Variants in TFEC observed in about 807,000 individuals in gnomAD.
TFEC encodes transcription factor EC.
In TFEC, 31 loss-of-function variants were observed where a neutral mutation model predicts 41.6. The ratio of observed to expected loss-of-function variants is 0.74; its 90% CI spans 0.56 to 1.01. The LOEUF (loss-of-function observed/expected upper bound fraction) is 1.01. TFEC is among the 50% of genes least tolerant of loss of function. The pLI is 0.00. For missense variants in TFEC, 402 were observed against 404.1 expected (o/e 0.99, Z 0.04); for synonymous variants, 143 against 140.6 (o/e 1.02, Z -0.12).
chr7:115,995,891 G>GC (rs1367408132), intron 1 of TFEC, among the ~76,000 whole-genome samples: 1 of 152,192 alleles, frequency 6.6e-6, no homozygotes, highest in East Asian at 1.9e-4. Flanking sequence ...ATTTAGACCA[G>GC]CCCTACCCGG....
intron 1 of TFEC, among the ~76,000 whole-genome samples, chr7:116,146,280 T>G (rs1435855252): frequency 2.0e-5 from 3 of 152,108 alleles, no homozygotes; most frequent in Non-Finnish European, 4.4e-5. Flanking sequence ...AAGTTTCCAC[T>G]TGAGGGATGA....
At chr7:116,094,415 TCACGCCTGTAATCC>T (rs1418594319) in intron 3 of TFEC, among the ~76,000 whole-genome samples, 1 of 151,656 alleles carries the variant, frequency 6.6e-6, no homozygotes, top group Non-Finnish European at 1.5e-5. Flanking sequence ...GCGTGGTGGC[TCACGCCTGTAATCC>T]CAGCACTTTG....
chr7:116,024,911 TG>T (rs1795531548), intron 1 of TFEC, among the ~76,000 whole-genome samples: 1 of 152,170 alleles, frequency 6.6e-6, no homozygotes, highest in African/African-American at 2.4e-5. Flanking sequence ...CTTTTGTTGT[TG>T]TTGTTGTTGC....
intron 3 of TFEC, among the ~76,000 whole-genome samples, chr7:115,967,959 T>C (rs1176899787): frequency 1.3e-5 from 2 of 151,798 alleles, no homozygotes; most frequent in Non-Finnish European, 2.9e-5. Flanking sequence ...AGTTTGAATA[T>C]TTTTTACTAA....
chr7:116,098,990 A>C (rs1347882539), intron 3 of TFEC, among the ~76,000 whole-genome samples: 2 of 152,312 alleles, frequency 1.3e-5, no homozygotes, highest in African/African-American at 4.8e-5. Context: ...AAATACTGGC[A>C]AATTGAATCT....
chr7:115,993,393 A>T (rs1029602946), intron 1 of TFEC, among the ~76,000 whole-genome samples: 2 of 152,184 alleles, frequency 1.3e-5, no homozygotes, highest in African/African-American at 4.8e-5. Context: ...AGGGTATTCA[A>T]TTAGGAAAAG....
chr7:115,952,137 C>G (rs1364706044), intron 5 of TFEC, among the ~76,000 whole-genome samples: 4 of 152,012 alleles, frequency 2.6e-5, no homozygotes, highest in Non-Finnish European at 5.9e-5. Context: ...CTCTACAAAG[C>G]AAATTACATG....
chr7:116,133,867 A>T (rs1798383084), intron 1 of TFEC, among the ~76,000 whole-genome samples: 1 of 152,304 alleles, frequency 6.6e-6, no homozygotes, highest in Admixed American at 6.5e-5. Context: ...GTAGAATACT[A>T]TTGAATTAGT....
chr7:116,019,419 C>G (rs995104409), intron 1 of TFEC, among the ~76,000 whole-genome samples: 1 of 152,162 alleles, frequency 6.6e-6, no homozygotes, highest in Non-Finnish European at 1.5e-5. Context: ...CAGCATCCAA[C>G]ATGGTTTTAG....
chr7:116,091,127 A>C (rs115487699), intron 3 of TFEC, among the ~76,000 whole-genome samples: 2,904 of 152,250 alleles, frequency 0.019, 92 homozygotes, highest in African/African-American at 0.065. Flanking sequence ...AAAAGGAAAA[A>C]AAAATTATGC....
chr7:116,118,389 T>C (rs1175337795), intron 1 of TFEC, among the ~76,000 whole-genome samples: 1 of 151,924 alleles, frequency 6.6e-6, no homozygotes, highest in Non-Finnish European at 1.5e-5. Flanking sequence ...TATTAAGCTC[T>C]TCAATAAAAC....
At chr7:116,084,221 T>C (rs1372391460) in intron 3 of TFEC, among the ~76,000 whole-genome samples, 1 of 151,914 alleles carries the variant, frequency 6.6e-6, no homozygotes, top group Non-Finnish European at 1.5e-5. Context: ...TTCCAGCATC[T>C]TTTCAAGCTT....
intron 3 of TFEC, among the ~76,000 whole-genome samples, chr7:116,071,463 A>G (rs1008294169): frequency 6.6e-6 from 1 of 151,384 alleles, no homozygotes; most frequent in Admixed American, 6.6e-5. Flanking sequence ...CAGTATTATC[A>G]AAGGTATTTT....
At chr7:116,115,083 G>C (rs1243211988) in intron 1 of TFEC, among the ~76,000 whole-genome samples, 2 of 151,998 alleles carry the variant, frequency 1.3e-5, no homozygotes, top group Admixed American at 6.6e-5. Flanking sequence ...AAAGCTGTTA[G>C]AGGTATCACA....
At chr7:116,008,854 G>T (rs948451173) in intron 1 of TFEC, among the ~76,000 whole-genome samples, 1 of 152,060 alleles carries the variant, frequency 6.6e-6, no homozygotes, top group African/African-American at 2.4e-5. Context: ...TTTCAGCTGC[G>T]TATTATATAA....
rs1181644886 is a variant in TFEC at position 116,121,364 on chromosome 7, T to C, written c.-68-9326A>G. 6 of 152,070 alleles carry C rather than the reference T, an allele frequency of 3.9e-5. No individual in the cohort carries two copies. The South Asian group carries it at 8.3e-4, about 21-fold the overall frequency. 9.4% of individuals were successfully genotyped at this position (152,070 alleles called of 1,614,324 possible). A position where few individuals can be genotyped will look rare whatever the true frequency, so the allele number is the denominator to read the frequency against. On this transcript the variant is annotated intron_variant, in intron 1 of 8. Transcript: ENST00000484212. Reference sequence around the variant, plus strand: ...GAAATGTCCAGAATAGGCAAATTCATAGAAACAAAAAGCCAATTAGTGGTT... The same window carrying C: ...GAAATGTCCAGAATAGGCAAATTCACAGAAACAAAAAGCCAATTAGTGGTT...
At chr7:115,996,701 C>T (rs141669376) in intron 1 of TFEC, among the ~76,000 whole-genome samples, 1 of 151,980 alleles carries the variant, frequency 6.6e-6, no homozygotes, top group African/African-American at 2.4e-5. Flanking sequence ...GGGAAGCCCA[C>T]TGCACTAAAG....
chr7:115,982,679 T>C (rs1045211542), intron 2 of TFEC, among the ~76,000 whole-genome samples: 2 of 152,170 alleles, frequency 1.3e-5, no homozygotes, highest in Non-Finnish European at 2.9e-5. Context: ...TCTATAGCCA[T>C]TGTTCGTTCA....
At chr7:116,030,937 G>C (rs986432747), upstream of TFEC, 14 of 589,562 alleles carry the variant, frequency 2.4e-5, no homozygotes, top group African/African-American at 4.1e-5. Context: ...ATTTGAGAAA[G>C]AGCACTCCTA....
Sources: gnomAD v4.1 joint callset for allele counts (sites outside exome capture counted in the v4.1 genomes callset) on GRCh38, gnomAD v4.1.1 for gene constraint, MANE v1.5 for transcripts, NCBI Gene and HGNC (gene_info 2026-07-23, HGNC 2026-07-21) for gene names.